PTH2R: variants seen among roughly 807,000 people sequenced by gnomAD.
The protein encoded by PTH2R is parathyroid hormone 2 receptor.
A neutral mutation model predicts 60.3 loss-of-function variants in PTH2R; 59 were observed. The ratio of observed to expected loss-of-function variants is 0.98; its 90% CI spans 0.79 to 1.22. The LOEUF (loss-of-function observed/expected upper bound fraction) is 1.22. PTH2R is among the 50% of genes most tolerant of loss of function. PTH2R has a pLI of 0.00. For missense variants in PTH2R, 749 were observed against 682.6 expected, an observed-to-expected ratio of 1.10 and a Z score of -1.08; for synonymous variants, 256 against 243.8, an observed-to-expected ratio of 1.05 and a Z score of -0.47.
chr2:208,430,049 C>T (rs920012077), intron 2 of PTH2R, among the ~76,000 whole-genome samples: 1 of 152,170 alleles, frequency 6.6e-6, no homozygotes, highest in African/African-American at 2.4e-5. Flanking sequence ...ACATTTTTCT[C>T]ATTTTATTCC....
intron 1 of PTH2R, among the ~76,000 whole-genome samples, chr2:208,363,121 C>T (rs556939860): frequency 2.0e-4 from 30 of 152,044 alleles, no homozygotes; most frequent in African/African-American, 6.5e-4. Flanking sequence ...ATTATTTGGT[C>T]GCCTAGGTAA....
intron 1 of PTH2R, among the ~76,000 whole-genome samples, chr2:208,384,483 A>C (rs975370393): frequency 6.6e-6 from 1 of 152,188 alleles, no homozygotes; most frequent in Non-Finnish European, 1.5e-5. Flanking sequence ...GGTAAACCCC[A>C]AACACCTTAC....
Position 208,493,276 on chromosome 2 carries a change from G to A in PTH2R, c.1270G>A (p.Val424Met), listed in dbSNP as rs201147145. The A allele has an allele frequency of 4.2e-5, 64 of 1,511,710 alleles. No individual in the cohort carries two copies. Among genetic ancestry groups the A allele is most frequent in the Middle Eastern group, 3.6e-4 (2 of 5,572 alleles). 93.6% of individuals were successfully genotyped at this position (1,511,710 alleles called of 1,614,324 possible). A position where few individuals can be genotyped will look rare whatever the true frequency, so the allele number is the denominator to read the frequency against. The change falls in exon 13 of 13, where the codon GTG becomes ATG. Residue 424 changes from valine (V) to methionine (M), a missense_variant. Physicochemically the swap from Val to Met is conservative, Grantham distance 21. Coordinates refer to ENST00000272847, the MANE Select transcript of PTH2R (RefSeq NM_005048.4). ...CYCNGEVQAEVKKMWSRWNLS... is the reference protein window; with the variant it reads ...CYCNGEVQAEMKKMWSRWNLS... ...TCTCGTGGCTTAGGTTCAGGCAGAG[G>A]TGAAGAAGATGTGGAGTCGGTGGAA...
chr2:208,459,176 G>A lies in PTH2R; in HGVS notation c.915-719G>A, dbSNP rs963019736. Among the ~76,000 whole-genome samples, 7 of 151,902 alleles carry A rather than the reference G, an allele frequency of 4.6e-5. No homozygotes were observed. The East Asian group carries it at 7.7e-4, about 17-fold the overall frequency. On this transcript the variant is annotated intron_variant, in intron 8 of 12. Coordinates refer to ENST00000272847, the MANE Select transcript of PTH2R (RefSeq NM_005048.4). The stretch of plus-strand genomic sequence containing the variant: ...CTGGTGTGAGATGATATCTCATTGT[G>A]GTTTTGATTTGCATTTCTCTAGATA...
At chr2:208,375,633 T>G (rs1484700989) in intron 1 of PTH2R, among the ~76,000 whole-genome samples, 1 of 152,138 alleles carries the variant, frequency 6.6e-6, no homozygotes, top group Non-Finnish European at 1.5e-5. Context: ...CAACTCTGCA[T>G]AGTCTAGATG....
chr2:208,379,471 C>G (rs1204121656), intron 1 of PTH2R, among the ~76,000 whole-genome samples: 2 of 152,120 alleles, frequency 1.3e-5, no homozygotes. Context: ...GTCTTTTGCT[C>G]ATTGGAAAGA....
intron 2 of PTH2R, among the ~76,000 whole-genome samples, chr2:208,431,546 C>G (rs1701971573): frequency 6.6e-6 from 1 of 152,228 alleles, no homozygotes; most frequent in Admixed American, 6.5e-5. Flanking sequence ...AAATTTAGAT[C>G]ACACATAAAT....
intron 8 of PTH2R, among the ~76,000 whole-genome samples, chr2:208,455,458 C>A (rs912134034): frequency 2.2e-4 from 34 of 152,158 alleles, no homozygotes; most frequent in Admixed American, 1.3e-3. Context: ...TATCATGTGA[C>A]CACCTTGCAA....
chr2:208,448,704 T>TATATATATA (rs1702340219), intron 7 of PTH2R, among the ~76,000 whole-genome samples: 1 of 150,580 alleles, frequency 6.6e-6, no homozygotes, highest in East Asian at 1.9e-4. Flanking sequence ...TTATATTAAA[T>TATATATATA]TTACTTAATT....
intron 10 of PTH2R, among the ~76,000 whole-genome samples, chr2:208,484,729 G>A (rs1045289100): frequency 5.9e-5 from 9 of 152,006 alleles, no homozygotes; most frequent in Non-Finnish European, 8.8e-5. Context: ...AAATCCAACC[G>A]GTATTTATTA....
intron 1 of PTH2R, among the ~76,000 whole-genome samples, chr2:208,365,181 T>G (rs1322733143): frequency 6.6e-6 from 1 of 152,172 alleles, no homozygotes; most frequent in Non-Finnish European, 1.5e-5. Context: ...CTAATTGCTT[T>G]GGACTGGAGT....
chr2:208,450,922 C>A (rs2105879434), intron 8 of PTH2R, 113 bp downstream of exon 8: 1 of 1,191,616 alleles, frequency 8.4e-7, no homozygotes, highest in Non-Finnish European at 1.2e-6. Context: ...TTTAGGGATG[C>A]CACAAGGAAA....
upstream of PTH2R, among the ~76,000 whole-genome samples, chr2:208,404,018 A>T (rs1321492013): frequency 1.3e-5 from 2 of 152,170 alleles, no homozygotes; most frequent in African/African-American, 4.8e-5. Flanking sequence ...GCCCATAATC[A>T]TGGGAAGGAG....
At chr2:208,384,097 CAA>C (rs776189017) in intron 1 of PTH2R, among the ~76,000 whole-genome samples, 14 of 152,140 alleles carry the variant, frequency 9.2e-5, no homozygotes, top group Admixed American at 2.6e-4. Flanking sequence ...AATACTGAAA[CAA>C]GAGAGCATGT....
In PTH2R at chr2:208,442,417, T is replaced by C; in HGVS notation, c.465T>C (p.Ser155=). 6.2e-7 allele frequency: 1 copy of C among 1,613,510 alleles called. No homozygotes were observed. The highest frequency in any genetic ancestry group is 8.5e-7 in the Non-Finnish European group (1 of 1,179,454). Residue 155 remains serine (S), a synonymous_variant, in exon 5 of 13, where the codon TCT becomes TCC. Transcript: ENST00000272847. The stretch of plus-strand genomic sequence containing the variant: ...TGTATACCGTTGGCTACTCCATCTC[T>C]TTTGGTTCCTTGGCTGTGGCTATTC... ...YVMYTVGYSI[S]FGSLAVAILI...
chr2:208,364,329 T>C (rs542625640), intron 1 of PTH2R, among the ~76,000 whole-genome samples: 26 of 152,324 alleles, frequency 1.7e-4, no homozygotes, highest in African/African-American at 6.3e-4. Context: ...GATTTTTTTC[T>C]ATGTTTTCTT....
chr2:208,375,656 G>A (rs532381728), intron 1 of PTH2R, among the ~76,000 whole-genome samples: 6 of 152,274 alleles, frequency 3.9e-5, no homozygotes, highest in African/African-American at 1.2e-4. Context: ...CCAGAGCCCA[G>A]CAGCCTGTGA....
At chr2:208,366,637 G>T (rs538218289) in intron 1 of PTH2R, among the ~76,000 whole-genome samples, 1 of 152,236 alleles carries the variant, frequency 6.6e-6, no homozygotes, top group East Asian at 1.9e-4. Context: ...GGTGCAGCCT[G>T]GTTTATTCTG....
At chr2:208,373,747 C>G (rs1700744644) in intron 1 of PTH2R, among the ~76,000 whole-genome samples, 1 of 152,108 alleles carries the variant, frequency 6.6e-6, no homozygotes, top group South Asian at 2.1e-4. Flanking sequence ...ACCACTGGGA[C>G]TAAGGGAGCT....
Sources: gnomAD v4.1 joint callset for allele counts (sites outside exome capture counted in the v4.1 genomes callset) on GRCh38, gnomAD v4.1.1 for gene constraint, MANE v1.5 for transcripts, NCBI Gene and HGNC (gene_info 2026-07-23, HGNC 2026-07-21) for gene names.